The following RTKN variants were observed in gnomAD, a reference collection of about 807,000 sequenced individuals.
The protein encoded by RTKN is rhotekin.
RTKN carries 49 observed loss-of-function variants against 63.5 expected under a neutral mutation model. That is an observed-to-expected ratio of 0.77 (90% CI 0.61 to 0.98). The LOEUF (loss-of-function observed/expected upper bound fraction) is 0.98, where lower values mean the gene tolerates loss of function less well. Ranked by LOEUF, RTKN falls within the 50% of genes least tolerant of loss-of-function variation. The pLI, the probability that RTKN is intolerant of heterozygous loss-of-function variation, is 0.00. For synonymous variants in RTKN, 295 were observed against 290.4 expected (o/e 1.02, Z -0.16); for missense variants, 685 against 740.8 (o/e 0.92, Z 0.87).
At chr2:74,433,735 C>T (rs1055136875) in intron 1 of RTKN, among the ~76,000 whole-genome samples, 1 of 152,146 alleles carries the variant, frequency 6.6e-6, no homozygotes, top group East Asian at 1.9e-4. Context: ...CCTTGTGATC[C>T]GCCCACCTCG....
intron 11 of RTKN, 35 bp downstream of exon 11, chr2:74,427,134 A>G: frequency 6.3e-7 from 1 of 1,593,454 alleles, no homozygotes; most frequent in South Asian, 1.1e-5. Context: ...CCTACTTCCC[A>G]TTAGCTTCCT....
intron 9 of RTKN, 27 bp downstream of exon 9, chr2:74,428,241 T>C: frequency 6.2e-7 from 1 of 1,614,060 alleles, no homozygotes; most frequent in Non-Finnish European, 8.5e-7. Context: ...GTGCCCTTGG[T>C]GGCCTTACTA....
intron 2 of RTKN, chr2:74,432,123 A>C: frequency 2.4e-6 from 1 of 414,334 alleles, no homozygotes; most frequent in South Asian, 2.1e-5. Context: ...GATTTTGTGA[A>C]CCAGCGTTGA....
At chr2:74,440,645 C>T in intron 1 of RTKN, 1 of 871,020 alleles carries the variant, frequency 1.1e-6, no homozygotes, top group Non-Finnish European at 1.4e-6. Flanking sequence ...TGGTCCCGGG[C>T]CTCGCCCCTT....
At chr2:74,440,503 C>T (rs916603006) in intron 1 of RTKN, 1 of 986,878 alleles carries the variant, frequency 1.0e-6, no homozygotes, top group Non-Finnish European at 1.2e-6. Context: ...GCCCCCGCCT[C>T]CACGCCAGGC....
At position 74,429,933 on chromosome 2, in the gene RTKN, A is replaced by T. The variant is rs769230137; in HGVS notation, c.650T>A (p.Leu217His). 5.0e-6 allele frequency: 8 copies of T among 1,614,058 alleles called. No individual in the cohort carries two copies. The Admixed American group carries it at 1.3e-4, about 27-fold the overall frequency. The stretch of plus-strand genomic sequence containing the variant: ...TGAGGAGCGGCCCAGGGAGCTGCTG[A>T]GTTTGGTGGCAAGCCTCTTGGGGCC... ...TGGPKRLATK[L>H]SSSLGRSSGR... The change falls in exon 6 of 12, where the codon CTC becomes CAC. Residue 217 changes from leucine to histidine, a missense_variant. Physicochemically the swap from Leu to His is moderately conservative, Grantham distance 99. Coordinates refer to ENST00000272430, the MANE Select transcript of RTKN (RefSeq NM_001015055.2).
At position 74,441,850 on chromosome 2, in the gene RTKN, G is replaced by T; in HGVS notation, c.-34C>A. ...CCCTGCGACTTTGCCTGCTCAGTGC[G>T]CTCCCCGCGCCGCCCGGCTTAGCCT... On this transcript the variant is annotated 5_prime_UTR_variant, in exon 1 of 12. Coordinates refer to ENST00000272430, the MANE Select transcript of RTKN (RefSeq NM_001015055.2). 1 of 1,383,078 alleles carries T rather than the reference G, an allele frequency of 7.2e-7. No homozygotes were observed. The highest frequency in any genetic ancestry group is 1.0e-6 in the Non-Finnish European group (1 of 986,018). The allele number at this position is 1,383,078 out of a possible 1,614,324, so 85.7% of individuals were successfully genotyped here.
At chr2:74,428,586 C>T (rs371044306) in intron 8 of RTKN, 45 bp downstream of exon 8, 2 of 1,568,656 alleles carry the variant, frequency 1.3e-6, no homozygotes, top group Non-Finnish European at 1.7e-6. Flanking sequence ...TCCAGCTCTC[C>T]TCTGCCTTCT....
At position 74,425,902 on chromosome 2, in the gene RTKN, T is replaced by C; in HGVS notation, c.*341A>G. The C allele has an allele frequency of 1.2e-6, 1 of 833,914 alleles. No individual in the cohort carries two copies. Among genetic ancestry groups the C allele is most frequent in the Non-Finnish European group, 1.8e-6 (1 of 548,628 alleles). The allele number at this position is 833,914 out of a possible 1,614,324, so 51.7% of individuals were successfully genotyped here. The stretch of plus-strand genomic sequence containing the variant: ...GAAGGCTGCTGTTAAATAACTTTAA[T>C]GGTTGATGTGGGAGTCACAAGGGAG... On this transcript the variant is annotated 3_prime_UTR_variant, in exon 12 of 12. Transcript: ENST00000272430.
chr2:74,428,160 G>C, intron 9 of RTKN, 108 bp downstream of exon 9: 1 of 1,450,614 alleles, frequency 6.9e-7, no homozygotes, highest in South Asian at 1.2e-5. Context: ...GTCAGGAGCA[G>C]GAGGCCTGCT....
At chr2:74,440,046 T>C (rs1392070232) in intron 1 of RTKN, 2 of 977,408 alleles carry the variant, frequency 2.0e-6, no homozygotes, top group Non-Finnish European at 2.5e-6. Flanking sequence ...ATCCCTGGCC[T>C]GGTGGACAGG....
intron 1 of RTKN, among the ~76,000 whole-genome samples, chr2:74,433,045 C>A (rs991044441): frequency 6.6e-6 from 1 of 152,086 alleles, no homozygotes; most frequent in Admixed American, 6.5e-5. Context: ...AGATCGAGAC[C>A]ATCCCGGCTA....
intron 2 of RTKN, 101 bp downstream of exon 2, chr2:74,432,366 T>A (rs763183385): frequency 1.8e-6 from 2 of 1,132,348 alleles, no homozygotes; most frequent in South Asian, 2.5e-5. Flanking sequence ...CATGGGGAAG[T>A]CATCTTTAAG....
In RTKN at chr2:74,427,404, C is replaced by T. The variant is rs760792985; in HGVS notation, c.1255+20G>A. The T allele has an allele frequency of 1.9e-6, 3 of 1,613,536 alleles. No individual in the cohort carries two copies. The highest frequency in any genetic ancestry group is 2.7e-5 in the African/African-American group (2 of 74,876). On this transcript the variant is annotated intron_variant, in intron 10 of 11. Transcript: ENST00000272430. Reference sequence around the variant, plus strand: ...CTCCAGTTCTTCCCAAAGGTTCAACCCAGCCCCCTTCTCTCTTACTCATGT... The same window carrying T: ...CTCCAGTTCTTCCCAAAGGTTCAACTCAGCCCCCTTCTCTCTTACTCATGT...
In RTKN at chr2:74,436,534, C is replaced by G. The variant is rs1309741388; in HGVS notation, c.112-3868G>C. On this transcript the variant is annotated intron_variant, in intron 1 of 11. Transcript: ENST00000272430. The surrounding 1 kb of genome is among the most constrained non-coding windows in gnomAD (Gnocchi z 4.3). ...CCCTGGAAAAGGCTCCTGGCCTTCA[C>G]GACGTGCTCCAGCTCCGGGAGGCCC... Among the ~76,000 whole-genome samples the G allele has an allele frequency of 3.9e-5, 6 of 152,124 alleles. No individual in the cohort carries two copies. The highest frequency in any genetic ancestry group is 1.5e-5 in the Non-Finnish European group (1 of 68,008).
At chr2:74,428,447 C>T in intron 8 of RTKN, 51 bp from the exon 9 acceptor site, 1 of 1,613,714 alleles carries the variant, frequency 6.2e-7, no homozygotes, top group Non-Finnish European at 8.5e-7. Flanking sequence ...CCCAGTATCC[C>T]TCTTCTCAGC....
Position 74,427,460 on chromosome 2 carries a change from A to G in RTKN, c.1219T>C (p.Trp407Arg). The G allele has an allele frequency of 6.2e-7, 1 of 1,614,164 alleles. No homozygotes were observed. The highest frequency in any genetic ancestry group is 8.5e-7 in the Non-Finnish European group (1 of 1,180,026). Reference sequence around the variant, plus strand: ...AAAAGCTGCCACAGAGCCTCCATCCAGCTCTGCAGTGCTTCCCGACTTTCT... The same window carrying G: ...AAAAGCTGCCACAGAGCCTCCATCCGGCTCTGCAGTGCTTCCCGACTTTCT... ...QTESREALQS[W>R]MEALWQLFFD... Residue 407 changes from tryptophan to arginine, a missense_variant, in exon 10 of 12, where the codon TGG (tryptophan) becomes CGG (arginine). By Grantham distance (101) the Trp-to-Arg change is moderately radical. Coordinates refer to ENST00000272430, the MANE Select transcript of RTKN (RefSeq NM_001015055.2).
rs186608521 is a variant in RTKN at position 74,434,038 on chromosome 2, T to C, written c.112-1372A>G. Among the ~76,000 whole-genome samples, 266 of 152,270 alleles carry C rather than the reference T, an allele frequency of 1.7e-3. 2 individuals are homozygous for C. The highest frequency in any genetic ancestry group is 3.1e-3 in the Non-Finnish European group (210 of 68,020). Reference sequence around the variant, plus strand: ...ATGCATATATATACATAGATATAGATATGCATGTTTATGCATAAAATATTA... The same window carrying C: ...ATGCATATATATACATAGATATAGACATGCATGTTTATGCATAAAATATTA... On this transcript the variant is annotated intron_variant, in intron 1 of 11. Transcript: ENST00000272430.
In RTKN at chr2:74,430,348, AAC is replaced by A; in HGVS notation, c.447_448del (p.Phe150ProfsTer34). ...GTGTTCCCCCAGCTGCAGCAGCAGG[AAC>A]ACAGCCCAGCGGTGCAAGTCTGGGG... On this transcript the variant is annotated frameshift_variant, in exon 5 of 12. Transcript: ENST00000272430. LOFTEE classifies it high-confidence loss of function. The A allele has an allele frequency of 1.2e-6, 2 of 1,614,250 alleles. No individual in the cohort carries two copies. Among genetic ancestry groups the A allele is most frequent in the Non-Finnish European group, 1.7e-6 (2 of 1,180,044 alleles).
Sources: allele counts gnomAD v4.1 joint callset (sites outside exome capture counted in the v4.1 genomes callset), GRCh38; gene constraint gnomAD v4.1.1; non-coding constraint Gnocchi (gnomAD v3.1); transcripts MANE v1.5; gene names NCBI Gene and HGNC (gene_info 2026-07-23, HGNC 2026-07-21).